The following WWTR1 variants were observed in gnomAD, a reference collection of about 807,000 sequenced individuals.
WWTR1 encodes WW domain containing transcription regulator 1, also known as WW domain-containing transcription regulator protein 1.
WWTR1 carries 13 observed loss-of-function variants against 40.1 expected under a neutral mutation model. The ratio of observed to expected loss-of-function variants is 0.32; its 90% CI spans 0.21 to 0.52. The LOEUF is 0.52. Ranked by LOEUF, WWTR1 falls within the 20% of genes least tolerant of loss-of-function variation. The pLI, the probability that WWTR1 is intolerant of heterozygous loss-of-function variation, is 0.97. For synonymous variants in WWTR1, 230 were observed against 210.1 expected (o/e 1.09, Z -0.82); for missense variants, 436 against 523.1 (o/e 0.83, Z 1.63).
At chr3:149,690,922 G>A (rs1349673766) in intron 1 of WWTR1, among the ~76,000 whole-genome samples, 2 of 152,042 alleles carry the variant, frequency 1.3e-5, no homozygotes, top group East Asian at 1.9e-4. Context: ...GGAATAAAAC[G>A]AGAAATCAAT....
intron 2 of WWTR1, among the ~76,000 whole-genome samples, chr3:149,644,352 G>C (rs949662397): frequency 1.3e-5 from 2 of 152,152 alleles, no homozygotes; most frequent in Non-Finnish European, 2.9e-5. Context: ...CTTCATTCCA[G>C]AGTGGCAGAA....
At chr3:149,628,675 C>G (rs1169030518) in intron 2 of WWTR1, among the ~76,000 whole-genome samples, 1 of 152,130 alleles carries the variant, frequency 6.6e-6, no homozygotes, top group Non-Finnish European at 1.5e-5. Flanking sequence ...ACTTTAGTAC[C>G]AAGAAAGATT....
intron 3 of WWTR1, among the ~76,000 whole-genome samples, chr3:149,545,215 G>A (rs367772403): frequency 6.6e-6 from 1 of 152,242 alleles, no homozygotes; most frequent in South Asian, 2.1e-4. Context: ...AGATGGTGTC[G>A]CAGGGGAAAA....
chr3:149,522,895 A>G (rs562598929), intron 6 of WWTR1, among the ~76,000 whole-genome samples: 4 of 151,540 alleles, frequency 2.6e-5, no homozygotes, highest in African/African-American at 9.7e-5. Context: ...CAAACAAACA[A>G]ACAAAAAAAC....
At chr3:149,619,367 TC>T (rs1176027502) in intron 2 of WWTR1, among the ~76,000 whole-genome samples, 1 of 152,134 alleles carries the variant, frequency 6.6e-6, no homozygotes, top group Non-Finnish European at 1.5e-5. Context: ...ACACCTGTAA[TC>T]ACAACACTTT....
chr3:149,715,944 G>T (rs1715598608), intron 5 of WWTR1, among the ~76,000 whole-genome samples: 1 of 152,138 alleles, frequency 6.6e-6, no homozygotes, highest in African/African-American at 2.4e-5. Context: ...TAACTAGGGA[G>T]CCTCATCAAC....
chr3:149,709,353 C>T (rs1715422012), intron 5 of WWTR1, among the ~76,000 whole-genome samples: 1 of 151,220 alleles, frequency 6.6e-6, no homozygotes, highest in South Asian at 2.1e-4. Flanking sequence ...GTATTAATAT[C>T]TCCCTGTTGA....
intron 2 of WWTR1, among the ~76,000 whole-genome samples, chr3:149,586,621 G>A (rs1432009339): frequency 2.0e-5 from 3 of 152,092 alleles, no homozygotes. Flanking sequence ...GGAATTTTCT[G>A]GGTGATAGGA....
intron 2 of WWTR1, among the ~76,000 whole-genome samples, chr3:149,637,869 G>C (rs1382784965): frequency 6.6e-6 from 1 of 152,148 alleles, no homozygotes; most frequent in Admixed American, 6.6e-5. Flanking sequence ...AGGCAAGTGA[G>C]AAATGACACA....
chr3:149,626,865 C>A (rs1740570435), intron 2 of WWTR1, among the ~76,000 whole-genome samples: 2 of 152,174 alleles, frequency 1.3e-5, no homozygotes, highest in Admixed American at 6.5e-5. Context: ...CTGAGGCCAC[C>A]AAGCAGCTGC....
In WWTR1 at chr3:149,657,166, G is replaced by A. The variant is rs764809199; in HGVS notation, c.141C>T (p.Ile47=). Residue 47 remains isoleucine (I), a synonymous_variant, in exon 2 of 7, where the codon ATC becomes ATT. Coordinates refer to ENST00000360632, the MANE Select transcript of WWTR1 (RefSeq NM_015472.6). ...GCTCCTTAAAGAAAGACTCCGGCAGGATCTTCTTCCGCCACGAGCTAGGCT... is the reference window on the plus strand; with the variant it reads ...GCTCCTTAAAGAAAGACTCCGGCAGAATCTTCTTCCGCCACGAGCTAGGCT... ...NPKPSSWRKK[I]LPESFFKEPD... 1 of 1,608,288 alleles carries A rather than the reference G, an allele frequency of 6.2e-7. No individual in the cohort carries two copies.
chr3:149,667,707 C>T (rs1452206964), intron 2 of WWTR1, among the ~76,000 whole-genome samples: 1 of 152,164 alleles, frequency 6.6e-6, no homozygotes, highest in Non-Finnish European at 1.5e-5. Flanking sequence ...AAGCTCTTAA[C>T]AGCCAAACAA....
chr3:149,645,167 C>T (rs911909552), intron 2 of WWTR1, among the ~76,000 whole-genome samples: 4 of 152,132 alleles, frequency 2.6e-5, no homozygotes, highest in Non-Finnish European at 4.4e-5. Flanking sequence ...ACAAGCTCTG[C>T]CTCCCAGGTT....
At chr3:149,700,043 C>T (rs1190218609) in intron 1 of WWTR1, among the ~76,000 whole-genome samples, 3 of 152,200 alleles carry the variant, frequency 2.0e-5, no homozygotes, top group South Asian at 2.1e-4. Flanking sequence ...ACTATACAAG[C>T]GTAGCACCAA....
At chr3:149,603,854 C>CAAAAAAA (rs370980729) in intron 2 of WWTR1, among the ~76,000 whole-genome samples, 4 of 83,288 alleles carry the variant, frequency 4.8e-5, no homozygotes, top group Middle Eastern at 9.1e-3. Flanking sequence ...AGCGGCATAC[C>CAAAAAAA]AAAAAAAAAA....
At chr3:149,697,853 T>A (rs911788588) in intron 1 of WWTR1, among the ~76,000 whole-genome samples, 1 of 152,202 alleles carries the variant, frequency 6.6e-6, no homozygotes, top group African/African-American at 2.4e-5. Flanking sequence ...GGGTAAACAT[T>A]CCTATTCCAA....
At chr3:149,585,124 G>A (rs1293400064) in intron 2 of WWTR1, among the ~76,000 whole-genome samples, 1 of 143,464 alleles carries the variant, frequency 7.0e-6, no homozygotes, top group African/African-American at 2.7e-5. Flanking sequence ...TTTCTTTCGT[G>A]TGTGTGTGTG....
At position 149,682,405 on chromosome 3, in the gene WWTR1, G is replaced by A. The variant is rs1237087222; in HGVS notation, c.-107-12514C>T. ...CAAAAAAAATGTATTGAGGTCTTTT[G>A]ACTTTAAAATTGGCCATGGGAACCA... On this transcript the variant is annotated intron_variant, in intron 1 of 7. Coordinates refer to the WWTR1 transcript ENST00000465804. 2.6e-5 allele frequency among the ~76,000 whole-genome samples: 4 copies of A among 152,134 alleles called. No individual in the cohort carries two copies. In the East Asian group the frequency reaches 7.7e-4, roughly 29 times the overall value.
chr3:149,720,388 T>C lies in WWTR1; in HGVS notation n.460-2822A>G, dbSNP rs968797586. ...TGTTGAAAAGACTGTCCTTTTCTTA[T>C]TGAATAATCATGGTTCCCTTACCAA... On this transcript the variant is annotated intron_variant and non_coding_transcript_variant, in intron 4 of 6. Transcript: ENST00000474080. Among the ~76,000 whole-genome samples, 5 of 152,198 alleles carry C rather than the reference T, an allele frequency of 3.3e-5. No homozygotes were observed. The South Asian group carries it at 1.0e-3, about 32-fold the overall frequency.
Sources: gnomAD v4.1 joint callset for allele counts (sites outside exome capture counted in the v4.1 genomes callset) on GRCh38, gnomAD v4.1.1 for gene constraint, MANE v1.5 for transcripts, NCBI Gene and HGNC (gene_info 2026-07-23, HGNC 2026-07-21) for gene names.